The following FOXK1 variants were observed in gnomAD, a reference collection of about 807,000 sequenced individuals.
FOXK1 encodes forkhead box protein K1.
Under a neutral mutation model 51.9 loss-of-function variants are expected in FOXK1, and 19 were observed. That is an observed-to-expected ratio of 0.37 (90% CI 0.26 to 0.54). The LOEUF (loss-of-function observed/expected upper bound fraction) is 0.54, where lower values mean the gene tolerates loss of function less well. FOXK1 is among the 20% of genes least tolerant of loss of function. The pLI is 0.87. For missense variants in FOXK1, 870 were observed against 1,032.7 expected (o/e 0.84, Z 2.16); for synonymous variants, 537 against 482.6 (o/e 1.11, Z -1.48).
chr7:4,759,426 G>A lies in FOXK1; in HGVS notation c.1527G>A (p.Ala509=). 1.3e-6 allele frequency: 2 copies of A among 1,597,372 alleles called. No individual in the cohort carries two copies. Among genetic ancestry groups the A allele is most frequent in the African/African-American group, 1.3e-5 (1 of 74,866 alleles). Residue 509 remains alanine (A), a synonymous_variant, in exon 7 of 9, where the codon GCG becomes GCA. Coordinates refer to ENST00000328914, the MANE Select transcript of FOXK1 (RefSeq NM_001037165.2). ...CCATCGTAACCTCACAGCAGCCCGCGGGCCACGCCATCCACGTCGTGCAGC... is the reference window on the plus strand; with the variant it reads ...CCATCGTAACCTCACAGCAGCCCGCAGGCCACGCCATCCACGTCGTGCAGC... ...PASIVTSQQP[A]GHAIHVVQQA...
intron 1 of FOXK1, among the ~76,000 whole-genome samples, chr7:4,692,829 C>T (rs576366505): frequency 4.1e-4 from 62 of 152,164 alleles, no homozygotes; most frequent in Middle Eastern, 6.8e-3. Flanking sequence ...TGGGCTCAAG[C>T]AGTCCTCCTG....
At chr7:4,698,709 C>T (rs1323086137) in intron 1 of FOXK1, among the ~76,000 whole-genome samples, 10 of 152,160 alleles carry the variant, frequency 6.6e-5, no homozygotes, top group African/African-American at 1.4e-4. Context: ...CGTGCCACCA[C>T]GCCCTGCTAA....
Position 4,706,046 on chromosome 7 carries a change from G to GTATA in FOXK1, c.560+23182_560+23185dup, listed in dbSNP as rs1562373250. Among the ~76,000 whole-genome samples, 327 of 101,868 alleles carry GTATA rather than the reference G, an allele frequency of 3.2e-3. 32 individuals are homozygous for GTATA. The highest frequency in any genetic ancestry group is 0.03 in the African/African-American group (314 of 10,572). 66.8% of individuals were successfully genotyped at this position (101,868 alleles called of 152,430 possible). A position where few individuals can be genotyped will look rare whatever the true frequency, so the allele number is the denominator to read the frequency against. ...TACGTGTATATACGTGTATATACGT[G>GTATA]TATATATGTATATATATGTGTATAT... On this transcript the variant is annotated intron_variant, in intron 1 of 8. Transcript: ENST00000328914.
At position 4,747,107 on chromosome 7, in the gene FOXK1, G is replaced by A. The variant is rs529895679; in HGVS notation, c.746+6084G>A. ...GGTAGGGAAGTCCTTGTGTTTGTCCGAATCTGTTGAAAGGACATCCCCACG... is the reference window on the plus strand; with the variant it reads ...GGTAGGGAAGTCCTTGTGTTTGTCCAAATCTGTTGAAAGGACATCCCCACG... On this transcript the variant is annotated intron_variant, in intron 2 of 8. Coordinates refer to ENST00000328914, the MANE Select transcript of FOXK1 (RefSeq NM_001037165.2). This position sits in a 1 kb window ranked among gnomAD's most constrained non-coding sequence, Gnocchi z 9.2. 7.9e-5 allele frequency among the ~76,000 whole-genome samples: 12 copies of A among 152,284 alleles called. No individual in the cohort carries two copies. The highest frequency in any genetic ancestry group is 7.7e-4 in the East Asian group (4 of 5,182).
Position 4,707,630 on chromosome 7 carries a change from C to T in FOXK1, c.560+24762C>T, listed in dbSNP as rs928321470. 2.6e-5 allele frequency among the ~76,000 whole-genome samples: 4 copies of T among 151,696 alleles called. No homozygotes were observed. The highest frequency in any genetic ancestry group is 4.1e-4 in the South Asian group (2 of 4,824). ...TGCCTCACTGGGTCTTTGCAGTTGG[C>T]GTGTTCCCCGGTGCCATTCGTATCT... is the stretch of plus-strand genomic sequence containing the variant. On this transcript the variant is annotated intron_variant, in intron 1 of 8. Transcript: ENST00000328914. The surrounding 1 kb of genome is among the most constrained non-coding windows in gnomAD (Gnocchi z 4.1).
intron 1 of FOXK1, among the ~76,000 whole-genome samples, chr7:4,738,701 A>C (rs1780590320): frequency 6.6e-6 from 1 of 152,128 alleles, no homozygotes; most frequent in South Asian, 2.1e-4. Context: ...CTCATCTTGG[A>C]AACAGTCTCA....
chr7:4,744,078 C>A (rs773389042), intron 2 of FOXK1, among the ~76,000 whole-genome samples: 1 of 151,732 alleles, frequency 6.6e-6, no homozygotes, highest in South Asian at 2.1e-4. Flanking sequence ...GGGGTTTCAC[C>A]GTATTGAAAG....
At position 4,696,145 on chromosome 7, in the gene FOXK1, C is replaced by T. The variant is rs986061755; in HGVS notation, c.560+13277C>T. Among the ~76,000 whole-genome samples, 27 of 150,078 alleles carry T rather than the reference C, an allele frequency of 1.8e-4. No homozygotes were observed. The East Asian group carries it at 5.3e-3, about 29-fold the overall frequency. ...AAAAAAAAAAAAAAAGAATCTTGTG[C>T]TGAGTCTGACCCCTGACATACATTA... is the stretch of plus-strand genomic sequence containing the variant. On this transcript the variant is annotated intron_variant, in intron 1 of 8. Transcript: ENST00000328914.
rs1780690984 is a variant in FOXK1, at chr7:4,745,471, T to TG, written c.746+4448_746+4449insG. ...GTGGGTATGGGTGTGGGTGTGTGGTTTTGTGTGTGTGTGTGTGTTTCTGAT... is the reference window on the plus strand; with the variant it reads ...GTGGGTATGGGTGTGGGTGTGTGGTTGTTGTGTGTGTGTGTGTGTTTCTGAT... On this transcript the variant is annotated intron_variant, in intron 2 of 8. Transcript: ENST00000328914. This position sits in a 1 kb window ranked among gnomAD's most constrained non-coding sequence, Gnocchi z 4.3. Among the ~76,000 whole-genome samples the TG allele has an allele frequency of 8.5e-6, 1 of 117,938 alleles. No homozygotes were observed. The highest frequency in any genetic ancestry group is 3.6e-4 in the South Asian group (1 of 2,792). The allele number at this position is 117,938 out of a possible 152,430, so 77.4% of individuals were successfully genotyped here. A position where few individuals can be genotyped will look rare whatever the true frequency, so the allele number is the denominator to read the frequency against.
chr7:4,760,303 C>T lies in FOXK1; in HGVS notation c.1696+708C>T, dbSNP rs966968891. 4.6e-5 allele frequency among the ~76,000 whole-genome samples: 7 copies of T among 152,170 alleles called. No homozygotes were observed. The South Asian group carries it at 6.2e-4, about 13-fold the overall frequency. Reference sequence around the variant, plus strand: ...AAAGAAATCCGATCCCAGGGCTTGACGGGGTAGACACTGAACATGCAGCTG... The same window carrying T: ...AAAGAAATCCGATCCCAGGGCTTGATGGGGTAGACACTGAACATGCAGCTG... On this transcript the variant is annotated intron_variant, in intron 7 of 8. Transcript: ENST00000328914.
In FOXK1 at chr7:4,761,456, G is replaced by A. The variant is rs1384210863; in HGVS notation, c.1921+168G>A. 6.6e-6 allele frequency among the ~76,000 whole-genome samples: 1 copy of A among 152,174 alleles called. No individual in the cohort carries two copies. The highest frequency in any genetic ancestry group is 2.4e-5 in the African/African-American group (1 of 41,446). ...GGGGTAATGCAAAGAAAAAGAGGGT[G>A]GAAGGGGCCACCTATCATCCCAGCA... is the stretch of plus-strand genomic sequence containing the variant. On this transcript the variant is annotated intron_variant, in intron 8 of 8. Coordinates refer to ENST00000328914, the MANE Select transcript of FOXK1 (RefSeq NM_001037165.2). The surrounding 1 kb of genome is among the most constrained non-coding windows in gnomAD (Gnocchi z 6.2).
chr7:4,761,255 G>T lies in FOXK1; in HGVS notation c.1888G>T (p.Val630Phe), dbSNP rs1780928866. The stretch of plus-strand genomic sequence containing the variant: ...CGTGACCCAGAACGGAAAGCATGCG[G>T]TTCCCACGAACAGTTTAGCCGGCAA... ...RAVTQNGKHA[V>F]PTNSLAGNAY... Residue 630 changes from valine (V) to phenylalanine (F), a missense_variant, in exon 8 of 9, where the codon GTT (valine) becomes TTT (phenylalanine). Val to Phe is a conservative substitution (Grantham distance 50, BLOSUM62 -1). Around this residue, in one of 3 missense-constraint regions of FOXK1, gnomAD observed 457 missense variants for 510.8 expected, o/e 0.89. Transcript: ENST00000328914. The surrounding 1 kb of genome is among the most constrained non-coding windows in gnomAD (Gnocchi z 6.2). 1 of 1,613,044 alleles carries T rather than the reference G, an allele frequency of 6.2e-7. No homozygotes were observed.
At chr7:4,698,968 G>A (rs140475367) in intron 1 of FOXK1, among the ~76,000 whole-genome samples, 26 of 152,230 alleles carry the variant, frequency 1.7e-4, no homozygotes, top group African/African-American at 3.9e-4. Flanking sequence ...TGTTACAGGC[G>A]TGCACCACTG....
chr7:4,691,374 T>G (rs1174833714), intron 1 of FOXK1, among the ~76,000 whole-genome samples: 1 of 152,178 alleles, frequency 6.6e-6, no homozygotes, highest in East Asian at 1.9e-4. Context: ...TCCCTCTGTC[T>G]CCCAGGCTGG....
rs754217449 is a variant in FOXK1 at position 4,755,275 on chromosome 7, C to T, written c.942C>T (p.Ile314=). ...SKPPFSYAQL[I]VQAISSAQDR... ...CGCCGTTCTCCTACGCGCAGCTGAT[C>T]GTGCAGGCCATCTCCTCCGCCCAGG... Residue 314 remains isoleucine (I), a synonymous_variant, in exon 4 of 9, where the codon ATC becomes ATT. Coordinates refer to ENST00000328914, the MANE Select transcript of FOXK1 (RefSeq NM_001037165.2). The surrounding 1 kb of genome is among the most constrained non-coding windows in gnomAD (Gnocchi z 6.6). The T allele has an allele frequency of 5.0e-6, 8 of 1,613,944 alleles. No individual in the cohort carries two copies. Among genetic ancestry groups the T allele is most frequent in the African/African-American group, 2.7e-5 (2 of 74,926 alleles).
intron 1 of FOXK1, among the ~76,000 whole-genome samples, chr7:4,718,276 C>A (rs180739317): frequency 6.6e-6 from 1 of 152,232 alleles, no homozygotes; most frequent in African/African-American, 2.4e-5. Flanking sequence ...TCGGTCACCA[C>A]GCAGAGCCAT....
In FOXK1 at chr7:4,727,232, G is replaced by A. The variant is rs375793015; in HGVS notation, c.561-13606G>A. Among the ~76,000 whole-genome samples the A allele has an allele frequency of 1.7e-4, 26 of 152,150 alleles. 1 individual carries two copies. Among genetic ancestry groups the A allele is most frequent in the African/African-American group, 4.6e-4 (19 of 41,504 alleles). ...CTCTCAAAGTGTTGGGATTACAGGCGTGAGCCACTGCTCCCAGCCTATTAT... is the reference window on the plus strand; with the variant it reads ...CTCTCAAAGTGTTGGGATTACAGGCATGAGCCACTGCTCCCAGCCTATTAT... On this transcript the variant is annotated intron_variant, in intron 1 of 8. Coordinates refer to ENST00000328914, the MANE Select transcript of FOXK1 (RefSeq NM_001037165.2).
intron 5 of FOXK1, among the ~76,000 whole-genome samples, chr7:4,757,750 T>C (rs1050491804): frequency 6.6e-6 from 1 of 151,842 alleles, no homozygotes; most frequent in Non-Finnish European, 1.5e-5. Flanking sequence ...CTGGCGATGA[T>C]TTAAAGCTTA....
chr7:4,740,011 A>C (rs1210390293), intron 1 of FOXK1, among the ~76,000 whole-genome samples: 3 of 152,198 alleles, frequency 2.0e-5, no homozygotes, highest in Non-Finnish European at 2.9e-5. Context: ...AAGACAACTG[A>C]CGGCTGGGCA....
Sources: gnomAD v4.1 joint callset for allele counts (sites outside exome capture counted in the v4.1 genomes callset) on GRCh38, gnomAD v4.1.1 for gene constraint, gnomAD v4.1.1 regional missense constraint, Gnocchi (gnomAD v3.1) non-coding constraint, MANE v1.5 for transcripts, NCBI Gene and HGNC (gene_info 2026-07-23, HGNC 2026-07-21) for gene names.